PDE8B: variants seen among roughly 807,000 people sequenced by gnomAD.
The protein encoded by PDE8B is phosphodiesterase 8B.
A neutral mutation model predicts 101.3 loss-of-function variants in PDE8B; 26 were observed. The observed-to-expected ratio is 0.26, with a 90% CI of 0.19 to 0.36. PDE8B has a LOEUF of 0.36. Among genes scored for constraint, PDE8B ranks in the 10% least tolerant of loss-of-function variants. PDE8B has a pLI of 1.00. For synonymous variants in PDE8B, 424 were observed against 429.3 expected, an observed-to-expected ratio of 0.99 and a Z score of 0.15; for missense variants, 810 against 1,163.1, an observed-to-expected ratio of 0.70 and a Z score of 4.42.
chr5:77,167,486 A>G, the PDE8B span, among the ~76,000 whole-genome samples: 1 of 152,220 alleles, frequency 6.6e-6, no homozygotes, highest in African/African-American at 2.4e-5. Context: ...TTGTGTATAG[A>G]ATATGAATCA....
intron 2 of PDE8B, 120 bp from the exon 3 acceptor site, chr5:77,325,419 T>C: frequency 1.1e-6 from 1 of 907,248 alleles, no homozygotes. Context: ...GTCCACTGCC[T>C]CAGCCTCCCA....
At chr5:77,281,070 C>T (rs544401366) in intron 1 of PDE8B, among the ~76,000 whole-genome samples, 5 of 152,354 alleles carry the variant, frequency 3.3e-5, no homozygotes, top group East Asian at 1.9e-4. Flanking sequence ...CTGTGGAATG[C>T]ATGCGCAAGC....
intron 10 of PDE8B, among the ~76,000 whole-genome samples, chr5:77,359,071 A>G (rs1015555817): frequency 4.6e-5 from 7 of 152,104 alleles, no homozygotes; most frequent in Non-Finnish European, 1.0e-4. Flanking sequence ...TGAATGGAAT[A>G]CCTGCTACAC....
chr5:77,353,444 G>A, intron 10 of PDE8B, 38 bp downstream of exon 10: 1 of 1,177,908 alleles, frequency 8.5e-7, no homozygotes. Context: ...CTGTCTGTTT[G>A]GCCATGCGTC....
intron 1 of PDE8B, among the ~76,000 whole-genome samples, chr5:77,265,293 A>T (rs1761468962): frequency 6.6e-6 from 1 of 152,212 alleles, no homozygotes; most frequent in Admixed American, 6.5e-5. Context: ...CATAAAATGT[A>T]TCCTTTCTAG....
intron 19 of PDE8B, among the ~76,000 whole-genome samples, chr5:77,420,924 A>C (rs995090539): frequency 7.9e-5 from 12 of 152,210 alleles, no homozygotes; most frequent in African/African-American, 2.9e-4. Flanking sequence ...TAGTCTAATA[A>C]ATAGGTCCAG....
At chr5:77,338,417 C>T (rs1276296137) in intron 6 of PDE8B, among the ~76,000 whole-genome samples, 1 of 152,120 alleles carries the variant, frequency 6.6e-6, no homozygotes, top group Non-Finnish European at 1.5e-5. Context: ...TAAACAGTCA[C>T]TTTCTTAGGT....
chr5:77,375,885 A>ATT (rs1554092500), intron 10 of PDE8B, among the ~76,000 whole-genome samples: 1 of 89,864 alleles, frequency 1.1e-5, no homozygotes, highest in Non-Finnish European at 2.3e-5. Flanking sequence ...TTGTGCCTTG[A>ATT]TTTCTTTTTT....
At chr5:77,338,172 A>G (rs1236699335) in intron 6 of PDE8B, among the ~76,000 whole-genome samples, 1 of 152,216 alleles carries the variant, frequency 6.6e-6, no homozygotes, top group African/African-American at 2.4e-5. Context: ...GCATAGTTTG[A>G]GGCTCAACAC....
At chr5:77,147,065 A>G in the PDE8B span, 2 of 420,886 alleles carry the variant, frequency 4.8e-6, no homozygotes, top group Admixed American at 3.1e-5. Context: ...ACTGAGCTAA[A>G]GGAAAGCCTG....
intron 1 of PDE8B, among the ~76,000 whole-genome samples, chr5:77,212,339 G>A (rs541245082): frequency 1.3e-5 from 2 of 152,322 alleles, no homozygotes; most frequent in Admixed American, 1.3e-4. Flanking sequence ...ATTTTTAATA[G>A]TTAAAAACTT....
intron 1 of PDE8B, among the ~76,000 whole-genome samples, chr5:77,278,426 T>C (rs543570348): frequency 6.6e-6 from 1 of 152,320 alleles, no homozygotes; most frequent in East Asian, 1.9e-4. Context: ...AGAATTGTAC[T>C]TGAGATTCAG....
Position 77,426,208 on chromosome 5 carries a change from ATG to A in PDE8B, c.2549-235_2549-234del, listed in dbSNP as rs1187684509. ...AGGAAAACTCTAGAAAGAATGCAAA[ATG>A]TATTTAGTTTACTCTGAATCACAGG... On this transcript the variant is annotated intron_variant, in intron 21 of 21. Transcript: ENST00000264917. 9 of 598,252 alleles carry A rather than the reference ATG, an allele frequency of 1.5e-5. No homozygotes were observed. The Admixed American group carries it at 2.6e-4, about 17-fold the overall frequency. 37.1% of individuals were successfully genotyped at this position (598,252 alleles called of 1,614,324 possible).
intron 5 of PDE8B, among the ~76,000 whole-genome samples, chr5:77,333,974 G>A (rs180926320): frequency 1.3e-5 from 2 of 152,316 alleles, no homozygotes; most frequent in Admixed American, 6.5e-5. Context: ...AGGTCAGGGT[G>A]CCCCCAGTAG....
chr5:77,212,602 CCTAA>C (rs1748717955), intron 1 of PDE8B, among the ~76,000 whole-genome samples: 1 of 152,144 alleles, frequency 6.6e-6, no homozygotes, highest in Non-Finnish European at 1.5e-5. Context: ...AGCTTTCTCT[CCTAA>C]CTATTGAATG....
the PDE8B span, among the ~76,000 whole-genome samples, chr5:77,174,142 A>G: frequency 2.6e-5 from 4 of 152,176 alleles, no homozygotes; most frequent in African/African-American, 9.7e-5. Flanking sequence ...TTGATGCTGC[A>G]TGAATTTTTA....
the PDE8B span, among the ~76,000 whole-genome samples, chr5:77,123,787 A>G: frequency 6.6e-6 from 1 of 152,180 alleles, no homozygotes; most frequent in Non-Finnish European, 1.5e-5. Flanking sequence ...AGTCAGGAAT[A>G]GGATGAAATC....
chr5:77,414,840 T>C (rs1315071356), intron 17 of PDE8B, among the ~76,000 whole-genome samples: 1 of 152,200 alleles, frequency 6.6e-6, no homozygotes, highest in Non-Finnish European at 1.5e-5. Flanking sequence ...CAATAGCCTC[T>C]GCAGTCTTGA....
chr5:77,352,142 C>T (rs537832270), intron 9 of PDE8B, among the ~76,000 whole-genome samples: 1 of 152,348 alleles, frequency 6.6e-6, no homozygotes, highest in South Asian at 2.1e-4. Context: ...GGGGCACTGA[C>T]AGGCCCCTGA....
Sources: gnomAD v4.1 joint callset for allele counts (sites outside exome capture counted in the v4.1 genomes callset) on GRCh38, gnomAD v4.1.1 for gene constraint, MANE v1.5 for transcripts, NCBI Gene and HGNC (gene_info 2026-07-23, HGNC 2026-07-21) for gene names.